Variants in CCDC141 observed in about 807,000 individuals in gnomAD.
CCDC141 encodes coiled-coil domain containing 141, also known as coiled-coil domain-containing protein 141.
Under a neutral mutation model 181.0 loss-of-function variants are expected in CCDC141, and 168 were observed. That is an observed-to-expected ratio of 0.93 (90% CI 0.82 to 1.05). CCDC141 has a LOEUF of 1.05. CCDC141 is among the 50% of genes least tolerant of loss of function. The pLI is 0.00. For synonymous variants in CCDC141, 666 were observed against 642.3 expected (o/e 1.04, Z -0.56); for missense variants, 1,902 against 1,788.5 (o/e 1.06, Z -1.14).
intron 6 of CCDC141, among the ~76,000 whole-genome samples, chr2:178,920,033 A>G (rs964174306): frequency 6.6e-6 from 1 of 152,240 alleles, no homozygotes; most frequent in African/African-American, 2.4e-5. Flanking sequence ...ATTTACATTC[A>G]ATTTATTTGA....
intron 7 of CCDC141, among the ~76,000 whole-genome samples, chr2:178,913,934 C>G (rs950440344): frequency 6.6e-6 from 1 of 152,184 alleles, no homozygotes; most frequent in African/African-American, 2.4e-5. Context: ...GGTTCAATTG[C>G]AGCTGTCCTG....
chr2:178,892,459 A>G (rs149296924), intron 8 of CCDC141, among the ~76,000 whole-genome samples: 42 of 152,050 alleles, frequency 2.8e-4, no homozygotes, highest in African/African-American at 1.0e-3. Context: ...CTTTTCTCTC[A>G]TTCCCAATTA....
At chr2:178,867,939 A>T in intron 16 of CCDC141, 87 bp downstream of exon 16, 7 of 1,064,446 alleles carry the variant, frequency 6.6e-6, no homozygotes, top group Non-Finnish European at 9.5e-6. Flanking sequence ...TTTAACATAT[A>T]CTAAGCAATC....
At chr2:178,979,609 A>C (rs1392829606) in intron 2 of CCDC141, among the ~76,000 whole-genome samples, 1 of 152,198 alleles carries the variant, frequency 6.6e-6, no homozygotes, top group African/African-American at 2.4e-5. Flanking sequence ...CCTAAAAAGA[A>C]ATACTTTTTG....
At chr2:178,898,739 T>C (rs960077622) in intron 8 of CCDC141, among the ~76,000 whole-genome samples, 4 of 152,166 alleles carry the variant, frequency 2.6e-5, no homozygotes, top group Admixed American at 1.3e-4. Flanking sequence ...CGAACAATAA[T>C]GAAAGGGTCT....
the CCDC141 span, among the ~76,000 whole-genome samples, chr2:178,817,916 C>A: frequency 2.0e-5 from 3 of 150,932 alleles, no homozygotes; most frequent in Non-Finnish European, 3.0e-5. Context: ...GATTCTCCTG[C>A]CTCAGCCTCC....
intron 8 of CCDC141, among the ~76,000 whole-genome samples, chr2:178,901,600 C>T (rs529755066): frequency 7.9e-5 from 12 of 152,052 alleles, no homozygotes; most frequent in Admixed American, 4.6e-4. Context: ...CTTGATGGGA[C>T]GTATCTCAAA....
In CCDC141 at chr2:178,902,453, A is replaced by G. The variant is rs1440976975; in HGVS notation, c.1265+2876T>C. ...ACAGAGCCCTCAGAAATAACACCGCATATCTACAACTATCTGATCTTTGAC... is the reference window on the plus strand; with the variant it reads ...ACAGAGCCCTCAGAAATAACACCGCGTATCTACAACTATCTGATCTTTGAC... On this transcript the variant is annotated intron_variant, in intron 8 of 23. Transcript: ENST00000443758. Among the ~76,000 whole-genome samples the G allele has an allele frequency of 2.0e-5, 3 of 152,308 alleles. No homozygotes were observed. The East Asian group carries it at 5.8e-4, about 29-fold the overall frequency.
chr2:178,964,245 T>C (rs2154379265), intron 4 of CCDC141, among the ~76,000 whole-genome samples: 1 of 152,244 alleles, frequency 6.6e-6, no homozygotes, highest in South Asian at 2.1e-4. Flanking sequence ...GTTATGATAT[T>C]GTGAACAGCT....
At chr2:179,011,677 A>T (rs1353058260) in intron 2 of CCDC141, among the ~76,000 whole-genome samples, 1 of 152,168 alleles carries the variant, frequency 6.6e-6, no homozygotes, top group Non-Finnish European at 1.5e-5. Flanking sequence ...TACACATTCT[A>T]TTCAACAGCA....
the CCDC141 span, among the ~76,000 whole-genome samples, chr2:178,818,637 C>T: frequency 6.6e-6 from 1 of 152,286 alleles, no homozygotes; most frequent in South Asian, 2.1e-4. Context: ...CATAGCATTC[C>T]ATGGTGTATA....
intron 8 of CCDC141, among the ~76,000 whole-genome samples, chr2:178,901,181 G>A (rs7601902): frequency 0.28 from 42,088 of 152,018 alleles, 7,600 homozygotes; most frequent in Non-Finnish European, 0.41. Context: ...AGAGGTACAA[G>A]GAGGAGCTGG....
intron 19 of CCDC141, among the ~76,000 whole-genome samples, chr2:178,854,818 A>G (rs1685314671): frequency 6.6e-6 from 1 of 152,236 alleles, no homozygotes; most frequent in African/African-American, 2.4e-5. Context: ...GAATTTCTTC[A>G]ATACAAAGTG....
chr2:178,867,524 T>C (rs1558940018), intron 16 of CCDC141, among the ~76,000 whole-genome samples: 1 of 152,212 alleles, frequency 6.6e-6, no homozygotes, highest in African/African-American at 2.4e-5. Context: ...TCCTCATTTG[T>C]TGCTAAATTT....
At chr2:178,853,692 A>C in intron 19 of CCDC141, 68 bp from the exon 20 acceptor site, 1 of 1,357,082 alleles carries the variant, frequency 7.4e-7, no homozygotes, top group South Asian at 1.4e-5. Context: ...AATTTTGACC[A>C]GTGAAGTATC....
In CCDC141 at chr2:178,834,034, TG is replaced by T; in HGVS notation, c.*138del. 1 of 806,756 alleles carries T rather than the reference TG, an allele frequency of 1.2e-6. No homozygotes were observed. Among genetic ancestry groups the T allele is most frequent in the Non-Finnish European group, 1.9e-6 (1 of 526,484 alleles). 50.0% of individuals were successfully genotyped at this position (806,756 alleles called of 1,614,324 possible). A position where few individuals can be genotyped will look rare whatever the true frequency, so the allele number is the denominator to read the frequency against. Reference sequence around the variant, plus strand: ...AAAATTTGATTATTTCACCTAGCAGTGGTATTAGCCAAACAAGTATGGTGAT... The same window carrying T: ...AAAATTTGATTATTTCACCTAGCAGTGTATTAGCCAAACAAGTATGGTGAT... On this transcript the variant is annotated 3_prime_UTR_variant, in exon 24 of 24. Transcript: ENST00000443758.
chr2:178,932,320 C>G (rs1186799866), intron 6 of CCDC141, among the ~76,000 whole-genome samples: 2 of 152,050 alleles, frequency 1.3e-5, no homozygotes, highest in African/African-American at 4.8e-5. Flanking sequence ...GAAATTTGCC[C>G]AAGATTATAT....
At chr2:178,863,146 C>T (rs1041562153) in intron 17 of CCDC141, among the ~76,000 whole-genome samples, 1 of 152,288 alleles carries the variant, frequency 6.6e-6, no homozygotes, top group African/African-American at 2.4e-5. Context: ...AGTCTGTGGC[C>T]TGAAGTTGAT....
intron 8 of CCDC141, among the ~76,000 whole-genome samples, chr2:178,890,230 A>G (rs901524176): frequency 6.6e-5 from 10 of 152,190 alleles, no homozygotes; most frequent in African/African-American, 2.4e-4. Flanking sequence ...GAATTTGGAA[A>G]TGATTAATAC....
Sources: gnomAD v4.1 joint callset for allele counts (sites outside exome capture counted in the v4.1 genomes callset) on GRCh38, gnomAD v4.1.1 for gene constraint, MANE v1.5 for transcripts, NCBI Gene and HGNC (gene_info 2026-07-23, HGNC 2026-07-21) for gene names.